The following RALGAPA2 variants were observed in gnomAD, a reference collection of about 807,000 sequenced individuals.
RALGAPA2 encodes Ral GTPase activating protein catalytic subunit alpha 2.
A neutral mutation model predicts 230.4 loss-of-function variants in RALGAPA2; 139 were observed. That is an observed-to-expected ratio of 0.60 (90% CI 0.53 to 0.69). The LOEUF is 0.69. Ranked by LOEUF, RALGAPA2 falls within the 30% of genes least tolerant of loss-of-function variation. The pLI is 0.00. For missense variants in RALGAPA2, 2,163 were observed against 2,276.0 expected (o/e 0.95, Z 1.01); for synonymous variants, 847 against 837.8 (o/e 1.01, Z -0.19).
At chr20:20,557,095 A>G (rs2064106326) in intron 23 of RALGAPA2, among the ~76,000 whole-genome samples, 1 of 152,152 alleles carries the variant, frequency 6.6e-6, no homozygotes, top group Non-Finnish European at 1.5e-5. Flanking sequence ...GGATCACCTG[A>G]GGTCAGGAGT....
At chr20:20,676,310 A>C (rs771572156) in intron 2 of RALGAPA2, 22 bp from the exon 3 acceptor site, 29 of 1,499,492 alleles carry the variant, frequency 1.9e-5, no homozygotes, top group Non-Finnish European at 2.7e-5. Context: ...AAAAATAATT[A>C]GTTATCATGA....
intron 37 of RALGAPA2, among the ~76,000 whole-genome samples, chr20:20,431,845 A>G (rs769835965): frequency 6.6e-6 from 1 of 152,204 alleles, no homozygotes; most frequent in Non-Finnish European, 1.5e-5. Flanking sequence ...TGTCACTTCT[A>G]TAGCATGTGT....
At chr20:20,533,428 T>C (rs924273058) in intron 26 of RALGAPA2, among the ~76,000 whole-genome samples, 1 of 152,148 alleles carries the variant, frequency 6.6e-6, no homozygotes, top group Non-Finnish European at 1.5e-5. Flanking sequence ...TGTAAAATAT[T>C]TGATTCACTA....
chr20:20,530,821 T>A (rs941837724), intron 27 of RALGAPA2, among the ~76,000 whole-genome samples: 24 of 152,116 alleles, frequency 1.6e-4, no homozygotes, highest in African/African-American at 5.6e-4. Flanking sequence ...ACCAGTAAAC[T>A]GAGGACGCTT....
intron 10 of RALGAPA2, among the ~76,000 whole-genome samples, chr20:20,626,726 A>G (rs1218943534): frequency 2.0e-5 from 3 of 152,248 alleles, no homozygotes; most frequent in African/African-American, 7.2e-5. Flanking sequence ...CAAGCATTTA[A>G]AAATGTTACT....
At chr20:20,602,326 G>A (rs936233212) in intron 15 of RALGAPA2, among the ~76,000 whole-genome samples, 3 of 152,198 alleles carry the variant, frequency 2.0e-5, no homozygotes, top group Non-Finnish European at 2.9e-5. Flanking sequence ...AGTCAAATGG[G>A]CAGGATAATG....
chr20:20,629,456 A>G lies in RALGAPA2; in HGVS notation c.1140T>C (p.Ile380=), dbSNP rs1296480892. The part of the protein sequence containing the change: ...RRLSNSSLCS[I]EEEHRMVYEM... ...CATACACCATTCGGTGCTCTTCTTC[A>G]ATGCTACAGAGGCTGGAGTTGCTGA... The change falls in exon 10 of 40, where the codon ATT becomes ATC. Residue 380 remains isoleucine (I), a synonymous_variant. Coordinates refer to ENST00000202677, the MANE Select transcript of RALGAPA2 (RefSeq NM_020343.4). 17 of 1,613,778 alleles carry G rather than the reference A, an allele frequency of 1.1e-5. No individual in the cohort carries two copies. The highest frequency in any genetic ancestry group is 1.6e-4 in the Middle Eastern group (1 of 6,084).
chr20:20,579,649 T>C (rs1436615617), intron 20 of RALGAPA2, among the ~76,000 whole-genome samples: 2 of 152,208 alleles, frequency 1.3e-5, no homozygotes, highest in Non-Finnish European at 2.9e-5. Flanking sequence ...AAAAAAATCA[T>C]AGAACCTTTT....
intron 35 of RALGAPA2, among the ~76,000 whole-genome samples, chr20:20,497,468 G>A (rs2062241453): frequency 6.6e-6 from 1 of 152,136 alleles, no homozygotes; most frequent in Non-Finnish European, 1.5e-5. Context: ...GGTGGCTCTG[G>A]GTCCCTTGGT....
intron 38 of RALGAPA2, among the ~76,000 whole-genome samples, chr20:20,405,816 T>C (rs1226987560): frequency 6.6e-6 from 1 of 152,196 alleles, no homozygotes; most frequent in African/African-American, 2.4e-5. Context: ...AGGGGACAGA[T>C]GAAACATAAT....
Position 20,393,103 on chromosome 20 carries a change from T to C in RALGAPA2, c.*186A>G. The C allele has an allele frequency of 1.5e-6, 2 of 1,357,240 alleles. No homozygotes were observed. Among genetic ancestry groups the C allele is most frequent in the Non-Finnish European group, 9.8e-7 (1 of 1,017,606 alleles). 84.1% of individuals were successfully genotyped at this position (1,357,240 alleles called of 1,614,324 possible). On this transcript the variant is annotated 3_prime_UTR_variant, in exon 40 of 40. Coordinates refer to ENST00000202677, the MANE Select transcript of RALGAPA2 (RefSeq NM_020343.4). ...ACCATGGGCTTCAGAAGTCCACTAATGGGAAGACCTGCTGAGGGCACTAGT... is the reference window on the plus strand; with the variant it reads ...ACCATGGGCTTCAGAAGTCCACTAACGGGAAGACCTGCTGAGGGCACTAGT...
At chr20:20,543,940 A>T (rs1229546067) in intron 24 of RALGAPA2, among the ~76,000 whole-genome samples, 1 of 151,850 alleles carries the variant, frequency 6.6e-6, no homozygotes, top group Non-Finnish European at 1.5e-5. Flanking sequence ...GGTAAAAAAA[A>T]GAAAAAACAA....
At chr20:20,546,989 C>A (rs555342237) in intron 23 of RALGAPA2, among the ~76,000 whole-genome samples, 157 bp from the exon 24 acceptor site, 1 of 152,090 alleles carries the variant, frequency 6.6e-6, no homozygotes, top group Non-Finnish European at 1.5e-5. Context: ...CAGAGTTACT[C>A]CAAGGATTAC....
intron 38 of RALGAPA2, among the ~76,000 whole-genome samples, chr20:20,401,543 CAG>C (rs2059838696): frequency 6.6e-6 from 1 of 152,016 alleles, no homozygotes; most frequent in Non-Finnish European, 1.5e-5. Flanking sequence ...GTGACCGGGG[CAG>C]TGAGGTGGGA....
intron 23 of RALGAPA2, among the ~76,000 whole-genome samples, chr20:20,550,330 A>G (rs537505471): frequency 6.6e-6 from 1 of 152,314 alleles, no homozygotes; most frequent in South Asian, 2.1e-4. Context: ...AGTAAAAAGT[A>G]ACTCAAGTAA....
At chr20:20,668,654 G>C (rs1186564031) in intron 3 of RALGAPA2, among the ~76,000 whole-genome samples, 3 of 152,158 alleles carry the variant, frequency 2.0e-5, no homozygotes, top group Non-Finnish European at 4.4e-5. Flanking sequence ...CACAAGGCAG[G>C]GCTATTATAT....
chr20:20,559,700 T>C (rs1419483191), intron 23 of RALGAPA2, among the ~76,000 whole-genome samples: 1 of 152,096 alleles, frequency 6.6e-6, no homozygotes, highest in African/African-American at 2.4e-5. Flanking sequence ...TAAGTGTAGA[T>C]TTTTGAGCTA....
At position 20,412,085 on chromosome 20, in the gene RALGAPA2, G is replaced by C; in HGVS notation, c.5559C>G (p.Phe1853Leu). Residue 1853 changes from phenylalanine to leucine, a missense_variant, in exon 38 of 40, where the codon TTC (phenylalanine) becomes TTG (leucine). By Grantham distance (22) the Phe-to-Leu change is conservative. Coordinates refer to ENST00000202677, the MANE Select transcript of RALGAPA2 (RefSeq NM_020343.4). ...IIQNHREVMT[F>L]EDFAAQVFSP... ...AAAAGACTTGGGCTGCGAAATCCTC[G>C]AATGTCATTACTTCGCGGTGGTTCT... 1 of 1,613,922 alleles carries C rather than the reference G, an allele frequency of 6.2e-7. No individual in the cohort carries two copies. Among genetic ancestry groups the C allele is most frequent in the Non-Finnish European group, 8.5e-7 (1 of 1,179,828 alleles).
intron 16 of RALGAPA2, among the ~76,000 whole-genome samples, chr20:20,601,065 A>G (rs2065630956): frequency 6.6e-6 from 1 of 152,176 alleles, no homozygotes; most frequent in Admixed American, 6.5e-5. Context: ...ACACCATTGC[A>G]TTTCAGCCTG....
Sources: gnomAD v4.1 joint callset for allele counts (sites outside exome capture counted in the v4.1 genomes callset) on GRCh38, gnomAD v4.1.1 for gene constraint, MANE v1.5 for transcripts, NCBI Gene and HGNC (gene_info 2026-07-23, HGNC 2026-07-21) for gene names.